NPTN: variants seen among roughly 807,000 people sequenced by gnomAD.
NPTN encodes the protein neuroplastin.
Under a neutral mutation model 42.7 loss-of-function variants are expected in NPTN, and 5 were observed. The ratio of observed to expected loss-of-function variants is 0.12; its 90% CI spans 0.06 to 0.25. The LOEUF (loss-of-function observed/expected upper bound fraction) is 0.25, where lower values mean the gene tolerates loss of function less well. NPTN is among the 10% of genes least tolerant of loss of function. NPTN has a pLI of 1.00. For synonymous variants in NPTN, 180 were observed against 201.9 expected (o/e 0.89, Z 0.92); for missense variants, 307 against 525.4 (o/e 0.58, Z 4.06).
chr15:73,575,266 A>C (rs991217693), intron 4 of NPTN, among the ~76,000 whole-genome samples: 3 of 151,626 alleles, frequency 2.0e-5, no homozygotes, highest in African/African-American at 7.3e-5. Context: ...TACAGGCGTG[A>C]GCCATCACGC....
intron 1 of NPTN, among the ~76,000 whole-genome samples, chr15:73,607,517 GAA>G (rs1359802838): frequency 6.6e-6 from 1 of 152,112 alleles, no homozygotes; most frequent in Admixed American, 6.5e-5. Context: ...CATTTTAACT[GAA>G]AGAGGTAGTA....
intron 4 of NPTN, among the ~76,000 whole-genome samples, chr15:73,585,125 G>C (rs1896252045): frequency 6.6e-6 from 1 of 152,198 alleles, no homozygotes; most frequent in Non-Finnish European, 1.5e-5. Context: ...GCTGAGAGCA[G>C]AATAGATGAT....
At chr15:73,627,615 G>A (rs1019677131) in intron 1 of NPTN, among the ~76,000 whole-genome samples, 1 of 152,164 alleles carries the variant, frequency 6.6e-6, no homozygotes, top group East Asian at 1.9e-4. Context: ...CAAAAGTTCT[G>A]AGCAATCAGG....
At chr15:73,603,336 G>T (rs537882588) in intron 1 of NPTN, among the ~76,000 whole-genome samples, 17 of 152,322 alleles carry the variant, frequency 1.1e-4, no homozygotes, top group African/African-American at 4.1e-4. Flanking sequence ...AACAGGCTGG[G>T]AAGCAGAACT....
intron 1 of NPTN, among the ~76,000 whole-genome samples, chr15:73,601,478 C>A (rs1595940779): frequency 6.6e-6 from 1 of 152,208 alleles, no homozygotes; most frequent in South Asian, 2.1e-4. Flanking sequence ...AGAACTGGCT[C>A]TCAGCAGCAG....
Position 73,580,422 on chromosome 15 carries a change from A to T in NPTN, c.707-6627T>A, listed in dbSNP as rs985476744. On this transcript the variant is annotated intron_variant, in intron 4 of 8. Coordinates refer to ENST00000345330, the MANE Select transcript of NPTN (RefSeq NM_012428.4). ...ATATTATATATATAATATATATATA[A>T]TATATATATAATATATATAATATAT... Among the ~76,000 whole-genome samples, 394 of 102,098 alleles carry T rather than the reference A, an allele frequency of 3.9e-3. 6 individuals are homozygous for T. Among genetic ancestry groups the T allele is most frequent in the African/African-American group, 0.015 (376 of 24,390 alleles). 67.0% of individuals were successfully genotyped at this position (102,098 alleles called of 152,430 possible). A position where few individuals can be genotyped will look rare whatever the true frequency, so the allele number is the denominator to read the frequency against.
intron 3 of NPTN, 191 bp downstream of exon 3, chr15:73,591,775 C>G: frequency 4.1e-6 from 2 of 492,904 alleles, no homozygotes; most frequent in Non-Finnish European, 7.3e-6. Flanking sequence ...TCCAATCTGG[C>G]TGCTCATTAG....
chr15:73,616,108 G>T (rs1331555191), intron 1 of NPTN, among the ~76,000 whole-genome samples: 1 of 151,990 alleles, frequency 6.6e-6, no homozygotes, highest in Non-Finnish European at 1.5e-5. Flanking sequence ...TTTTCTGTTG[G>T]TCTTATTTCA....
At position 73,574,883 on chromosome 15, in the gene NPTN, T is replaced by G. The variant is rs148157912; in HGVS notation, c.707-1088A>C. 2.5e-3 allele frequency among the ~76,000 whole-genome samples: 378 copies of G among 152,298 alleles called. 2 individuals carry two copies. Among genetic ancestry groups the G allele is most frequent in the African/African-American group, 8.7e-3 (362 of 41,554 alleles). On this transcript the variant is annotated intron_variant, in intron 4 of 8. Transcript: ENST00000345330. ...ATAAACAACAACTGTAGTCTAAAAA[T>G]TAAGTAAGTTTCAAGGATCAAAGAA...
intron 3 of NPTN, among the ~76,000 whole-genome samples, chr15:73,590,971 A>G (rs938520309): frequency 6.6e-6 from 1 of 152,154 alleles, no homozygotes; most frequent in Non-Finnish European, 1.5e-5. Context: ...AGTGGATGGC[A>G]TAGCAGGGAA....
rs552105623 is a variant in NPTN, at chr15:73,585,819, T to C, written c.706+1705A>G. ...TATTTGTACAGTGAGAATCCAACAG[T>C]GCACAGTAAGCACCTTGAATATAAC... On this transcript the variant is annotated intron_variant, in intron 4 of 8. Transcript: ENST00000345330. 3.3e-4 allele frequency among the ~76,000 whole-genome samples: 50 copies of C among 152,310 alleles called. 1 individual carries two copies. In the South Asian group the frequency reaches 5.2e-3, roughly 16 times the overall value.
At chr15:73,613,212 A>G (rs1465379811) in intron 1 of NPTN, among the ~76,000 whole-genome samples, 1 of 152,254 alleles carries the variant, frequency 6.6e-6, no homozygotes, top group Admixed American at 6.5e-5. Context: ...TAATTTTCCA[A>G]GAATCCCTTT....
intron 6 of NPTN, among the ~76,000 whole-genome samples, chr15:73,565,097 A>G (rs1426752748): frequency 6.6e-6 from 1 of 152,238 alleles, no homozygotes; most frequent in Non-Finnish European, 1.5e-5. Flanking sequence ...AAAGGGTTGC[A>G]TGGAGGTGTT....
At chr15:73,588,800 G>A (rs1436624342) in intron 3 of NPTN, among the ~76,000 whole-genome samples, 5 of 152,154 alleles carry the variant, frequency 3.3e-5, no homozygotes, top group Non-Finnish European at 7.3e-5. Context: ...CTTATCATGT[G>A]TGTGATTATA....
intron 4 of NPTN, among the ~76,000 whole-genome samples, chr15:73,587,299 G>A (rs558312062): frequency 1.3e-5 from 2 of 152,304 alleles, no homozygotes; most frequent in East Asian, 1.9e-4. Context: ...ATGAGGAAAA[G>A]GAAGCAAAGA....
chr15:73,604,028 C>T (rs1346983791), intron 1 of NPTN, among the ~76,000 whole-genome samples: 1 of 152,118 alleles, frequency 6.6e-6, no homozygotes, highest in Non-Finnish European at 1.5e-5. Context: ...AAGAAATAAG[C>T]ATTTGGTATG....
intron 1 of NPTN, among the ~76,000 whole-genome samples, chr15:73,611,674 A>T (rs1897587491): frequency 6.6e-6 from 1 of 152,218 alleles, no homozygotes; most frequent in African/African-American, 2.4e-5. Flanking sequence ...TGATTAGCGT[A>T]TGTAATTATA....
chr15:73,580,572 T>C (rs143364604), intron 4 of NPTN, among the ~76,000 whole-genome samples: 2,488 of 120,882 alleles, frequency 0.021, 95 homozygotes, highest in African/African-American at 0.076. Context: ...ATACATGTTA[T>C]ATATGTATAT....
intron 1 of NPTN, among the ~76,000 whole-genome samples, chr15:73,625,402 G>A (rs1385340519): frequency 1.3e-5 from 2 of 151,850 alleles, no homozygotes; most frequent in Non-Finnish European, 2.9e-5. Context: ...CCAGGCTGGA[G>A]TGCAGTGGCA....
Sources: gnomAD v4.1 joint callset for allele counts (sites outside exome capture counted in the v4.1 genomes callset) on GRCh38, gnomAD v4.1.1 for gene constraint, MANE v1.5 for transcripts, NCBI Gene and HGNC (gene_info 2026-07-23, HGNC 2026-07-21) for gene names.